Variants in NRXN3 observed in about 807,000 individuals in gnomAD.
NRXN3 encodes neurexin III.
A neutral mutation model predicts 137.6 loss-of-function variants in NRXN3; 32 were observed. The ratio of observed to expected loss-of-function variants is 0.23; its 90% CI spans 0.18 to 0.31. The LOEUF is 0.31. Ranked by LOEUF, NRXN3 falls within the 10% of genes least tolerant of loss-of-function variation. The probability of loss-of-function intolerance (pLI) is 1.00; values close to 1 mark genes in which losing one functional copy is unlikely to be tolerated. For synonymous variants in NRXN3, 798 were observed against 784.5 expected (o/e 1.02, Z -0.29); for missense variants, 1,574 against 2,062.5 (o/e 0.76, Z 4.59).
intron 1 of NRXN3, among the ~76,000 whole-genome samples, chr14:78,172,397 A>C (rs951726866): frequency 2.6e-5 from 4 of 152,096 alleles, no homozygotes; most frequent in Admixed American, 2.0e-4. Context: ...TATGATGGGC[A>C]AGTTTACCTA....
chr14:79,513,831 A>T (rs906072664), intron 16 of NRXN3, among the ~76,000 whole-genome samples: 3 of 152,208 alleles, frequency 2.0e-5, no homozygotes, highest in Non-Finnish European at 4.4e-5. Context: ...CTACAAAATC[A>T]TTTGACCTCC....
chr14:78,468,271 AG>A (rs2095172060), intron 4 of NRXN3, among the ~76,000 whole-genome samples: 1 of 152,056 alleles, frequency 6.6e-6, no homozygotes, highest in African/African-American at 2.4e-5. Flanking sequence ...ATTTCTCATG[AG>A]TATTAGGTTG....
intron 15 of NRXN3, among the ~76,000 whole-genome samples, chr14:79,173,241 A>G (rs190900858): frequency 3.3e-5 from 5 of 152,262 alleles, no homozygotes; most frequent in Non-Finnish European, 7.4e-5. Flanking sequence ...AGTTTAAGAG[A>G]AATTTAGGCC....
intron 15 of NRXN3, among the ~76,000 whole-genome samples, chr14:79,082,679 A>G (rs1413533166): frequency 1.3e-5 from 2 of 152,106 alleles, no homozygotes; most frequent in African/African-American, 2.4e-5. Context: ...CTGTCTTCCA[A>G]ATGAGTTCTT....
At chr14:79,530,527 C>T (rs192387163) in intron 16 of NRXN3, among the ~76,000 whole-genome samples, 1 of 151,576 alleles carries the variant, frequency 6.6e-6, no homozygotes, top group Admixed American at 6.6e-5. Context: ...ATGGGCAGTT[C>T]AGCTTTCTCT....
intron 15 of NRXN3, among the ~76,000 whole-genome samples, chr14:79,358,125 C>T (rs1159715765): frequency 6.6e-6 from 1 of 152,168 alleles, no homozygotes. Flanking sequence ...AGCACAGGCT[C>T]CTGGGTGGTG....
intron 15 of NRXN3, among the ~76,000 whole-genome samples, chr14:79,306,539 GC>G (rs1190663714): frequency 7.2e-5 from 11 of 152,030 alleles, no homozygotes; most frequent in Non-Finnish European, 1.5e-4. Context: ...TTAATACAAG[GC>G]TATTTGTTTG....
intron 19 of NRXN3, among the ~76,000 whole-genome samples, chr14:79,745,855 C>T (rs1384088678): frequency 1.3e-5 from 2 of 152,082 alleles, no homozygotes; most frequent in Non-Finnish European, 2.9e-5. Flanking sequence ...TAACTCCAAC[C>T]TCTTTCTTCC....
At chr14:78,830,587 T>C (rs1405180698) in intron 10 of NRXN3, among the ~76,000 whole-genome samples, 3 of 152,096 alleles carry the variant, frequency 2.0e-5, no homozygotes, top group East Asian at 3.8e-4. Context: ...AGGATTAGTA[T>C]ACTCATTTTT....
chr14:79,596,031 A>G (rs1243566099), intron 16 of NRXN3, among the ~76,000 whole-genome samples: 1 of 151,450 alleles, frequency 6.6e-6, no homozygotes, highest in Non-Finnish European at 1.5e-5. Flanking sequence ...ATATAAGAGG[A>G]CAAATCTTGG....
Position 79,385,329 on chromosome 14 carries a change from G to C in NRXN3, c.3263-81892G>C, listed in dbSNP as rs566381406. ...GTGGTGTTTGGTTTTTTGTTCTTGC[G>C]ATAGTTTACTGAGAATGATGATTTC... On this transcript the variant is annotated intron_variant, in intron 15 of 20. Transcript: ENST00000335750. Among the ~76,000 whole-genome samples, 828 of 149,816 alleles carry C rather than the reference G, an allele frequency of 5.5e-3. 9 individuals are homozygous for C. Among genetic ancestry groups the C allele is most frequent in the African/African-American group, 0.02 (809 of 40,758 alleles).
intron 15 of NRXN3, among the ~76,000 whole-genome samples, chr14:79,034,664 T>C (rs1183314438): frequency 6.6e-6 from 1 of 152,132 alleles, no homozygotes; most frequent in African/African-American, 2.4e-5. Flanking sequence ...TTGTTACACA[T>C]AATAACATTT....
At position 78,630,796 on chromosome 14, in the gene NRXN3, G is replaced by A. The variant is rs201009164; in HGVS notation, c.758-14324G>A. Among the ~76,000 whole-genome samples the A allele has an allele frequency of 5.9e-5, 9 of 152,050 alleles. No homozygotes were observed. The East Asian group carries it at 1.4e-3, about 23-fold the overall frequency. ...CTTTTTCTGTATTTTTAGTAGAGAC[G>A]GGGTTTCACCGTGTTAGCCAGGATG... On this transcript the variant is annotated intron_variant, in intron 4 of 20. Coordinates refer to ENST00000335750, the MANE Select transcript of NRXN3 (RefSeq NM_001330195.2).
chr14:79,020,147 C>T (rs1270660045), intron 15 of NRXN3, among the ~76,000 whole-genome samples: 2 of 10,288 alleles, frequency 1.9e-4, no homozygotes, highest in Non-Finnish European at 3.2e-4. Context: ...CCCTTCCCTT[C>T]CCTTCCCTTC....
chr14:79,598,186 G>A (rs975728), intron 16 of NRXN3, among the ~76,000 whole-genome samples: 44,175 of 152,044 alleles, frequency 0.29, 8,830 homozygotes, highest in African/African-American at 0.56. Flanking sequence ...AAGGATAGAT[G>A]AACTCACTAT....
intron 15 of NRXN3, among the ~76,000 whole-genome samples, chr14:79,108,192 G>A (rs1031237686): frequency 6.6e-6 from 1 of 152,168 alleles, no homozygotes; most frequent in African/African-American, 2.4e-5. Flanking sequence ...AGAAGACAAT[G>A]TAAGGTAGCC....
intron 16 of NRXN3, among the ~76,000 whole-genome samples, chr14:79,628,782 T>C (rs563646579): frequency 5.3e-5 from 8 of 152,304 alleles, no homozygotes; most frequent in African/African-American, 1.7e-4. Context: ...AAAGAGCCAG[T>C]TGACATGTTC....
At chr14:79,398,410 G>C (rs1431887160) in intron 15 of NRXN3, among the ~76,000 whole-genome samples, 1 of 151,976 alleles carries the variant, frequency 6.6e-6, no homozygotes, top group Non-Finnish European at 1.5e-5. Flanking sequence ...GAAACCATTT[G>C]AACACAAATC....
chr14:79,130,486 T>G (rs910747674), intron 15 of NRXN3, among the ~76,000 whole-genome samples: 6 of 152,060 alleles, frequency 3.9e-5, no homozygotes, highest in Non-Finnish European at 8.8e-5. Context: ...TTCTTTTCTT[T>G]AAGAATGTTG....
Sources: gnomAD v4.1 joint callset for allele counts (sites outside exome capture counted in the v4.1 genomes callset) on GRCh38, gnomAD v4.1.1 for gene constraint, MANE v1.5 for transcripts, NCBI Gene and HGNC (gene_info 2026-07-23, HGNC 2026-07-21) for gene names.